Variants in GREB1 observed in about 807,000 individuals in gnomAD.
GREB1 encodes protein GREB1.
Under a neutral mutation model 200.7 loss-of-function variants are expected in GREB1, and 106 were observed. The observed-to-expected ratio is 0.53, with a 90% confidence interval of 0.45 to 0.62. GREB1 has a LOEUF of 0.62. GREB1 is among the 20% of genes least tolerant of loss of function. The pLI is 0.00. For synonymous variants in GREB1, 1,132 were observed against 1,092.4 expected (o/e 1.04, Z -0.72); for missense variants, 2,243 against 2,556.8 (o/e 0.88, Z 2.65).
At position 11,550,761 on chromosome 2, in the gene GREB1, C is replaced by G. The variant is rs541225481; in HGVS notation, c.-161-5693C>G. 3.9e-5 allele frequency among the ~76,000 whole-genome samples: 6 copies of G among 152,284 alleles called. No individual in the cohort carries two copies. The East Asian group carries it at 7.7e-4, about 20-fold the overall frequency. On this transcript the variant is annotated intron_variant, in intron 1 of 32. Coordinates refer to ENST00000381486, the MANE Select transcript of GREB1 (RefSeq NM_014668.4). ...ACTTTTGTTGGCATATCTTGTCTGC[C>G]GTGATTTTCTCTCCTGTCTCTTTGT...
intron 1 of GREB1, among the ~76,000 whole-genome samples, chr2:11,518,336 T>G (rs1673580313): frequency 1.3e-5 from 2 of 152,214 alleles, no homozygotes; most frequent in African/African-American, 4.8e-5. Flanking sequence ...AAAGGTATTT[T>G]GGGCTGTTTG....
At chr2:11,599,924 G>C (rs998897936) in intron 15 of GREB1, among the ~76,000 whole-genome samples, 3 of 152,196 alleles carry the variant, frequency 2.0e-5, no homozygotes, top group African/African-American at 7.2e-5. Context: ...AGGATTTCTG[G>C]TGGTTTACCG....
intron 23 of GREB1, among the ~76,000 whole-genome samples, chr2:11,621,647 C>T (rs561474601): frequency 6.6e-6 from 1 of 152,314 alleles, no homozygotes; most frequent in Admixed American, 6.5e-5. Flanking sequence ...GTCAATGAAT[C>T]TGCTGTGCTG....
chr2:11,566,648 C>G lies in GREB1; in HGVS notation c.446C>G (p.Ala149Gly), dbSNP rs1472250264. Residue 149 changes from alanine to glycine, a missense_variant, in exon 4 of 33, where the codon GCT becomes GGT. Transcript: ENST00000381486. ...RFLPDDNGHN[A>G]LLGFSGNCVG... ...TTGCCAGATGACAATGGCCACAATG[C>G]TCTTCTTGGTAAGTACTGCTTTGTC... The G allele has an allele frequency of 6.2e-7, 1 of 1,611,894 alleles. No individual in the cohort carries two copies. Among genetic ancestry groups the G allele is most frequent in the African/African-American group, 1.3e-5 (1 of 74,882 alleles).
intron 1 of GREB1, among the ~76,000 whole-genome samples, chr2:11,523,797 G>A (rs759559201): frequency 4.0e-5 from 6 of 151,230 alleles, no homozygotes; most frequent in South Asian, 4.1e-4. Flanking sequence ...CTTTGCCCCC[G>A]GCTTACTGTG....
rs891385697 is a variant in GREB1 at position 11,493,702 on chromosome 2, C to T, written c.-159+11321C>T. On this transcript the variant is annotated intron_variant, in intron 1 of 2. Transcript: ENST00000628795. The surrounding 1 kb of genome is among the most constrained non-coding windows in gnomAD (Gnocchi z 4.6). ...GTTTTTGAAGGTTGCATTTTTTTCC[C>T]CAAAATTTTAGAGAGCAGATTTAGT... is the stretch of plus-strand genomic sequence containing the variant. Among the ~76,000 whole-genome samples, 2 of 152,048 alleles carry T rather than the reference C, an allele frequency of 1.3e-5. No homozygotes were observed. The highest frequency in any genetic ancestry group is 4.8e-5 in the African/African-American group (2 of 41,386).
intron 1 of GREB1, among the ~76,000 whole-genome samples, chr2:11,487,667 A>G (rs962311495): frequency 6.6e-6 from 1 of 152,262 alleles, no homozygotes; most frequent in Non-Finnish European, 1.5e-5. Context: ...ATGTGCAAAA[A>G]TAGAACGATT....
chr2:11,561,094 G>A (rs1423882788), intron 2 of GREB1: 1 of 152,134 alleles, frequency 6.6e-6, no homozygotes, highest in African/African-American at 2.4e-5. Context: ...GTGTGTCCAG[G>A]GAGTTGCAGG....
upstream of GREB1, among the ~76,000 whole-genome samples, chr2:11,531,682 T>A (rs1674080288): frequency 2.0e-5 from 3 of 152,194 alleles, 1 homozygote; most frequent in South Asian, 4.1e-4. Context: ...GCGATTCTCC[T>A]GCATCAGCCT....
chr2:11,633,608 C>G lies in GREB1; in HGVS notation c.4992-523C>G, dbSNP rs2148433731. 6.6e-6 allele frequency among the ~76,000 whole-genome samples: 1 copy of G among 151,326 alleles called. No homozygotes were observed. Among genetic ancestry groups the G allele is most frequent in the African/African-American group, 2.4e-5 (1 of 41,290 alleles). On this transcript the variant is annotated intron_variant, in intron 28 of 32. Transcript: ENST00000381486. This position sits in a 1 kb window ranked among gnomAD's most constrained non-coding sequence, Gnocchi z 4.1. ...AAAAAATTGTTATTGAAGTATAATG[C>G]AGAAAATCACACTATCCATTTAGTA...
At chr2:11,514,396 A>G in intron 1 of GREB1, among the ~76,000 whole-genome samples, 1 of 152,242 alleles carries the variant, frequency 6.6e-6, no homozygotes, top group East Asian at 1.9e-4. Flanking sequence ...CTCTGACTCC[A>G]GATCCTACAC....
chr2:11,519,874 C>A (rs13432124), intron 1 of GREB1, among the ~76,000 whole-genome samples: 24,742 of 152,160 alleles, frequency 0.16, 2,488 homozygotes, highest in African/African-American at 0.26. Context: ...TGTTGGCTCA[C>A]GTCTATAATC....
Position 11,584,053 on chromosome 2 carries a change from C to T in GREB1, c.902-1108C>T, listed in dbSNP as rs527299734. 4.6e-5 allele frequency among the ~76,000 whole-genome samples: 7 copies of T among 152,196 alleles called. No individual in the cohort carries two copies. In the South Asian group the frequency reaches 8.3e-4, roughly 18 times the overall value. ...TTGGTATTTCTCCACCCGGGCTGTG[C>T]GTTAGAATCAAGAAGAAGCGTTGAG... On this transcript the variant is annotated intron_variant, in intron 7 of 32. Coordinates refer to ENST00000381486, the MANE Select transcript of GREB1 (RefSeq NM_014668.4).
chr2:11,551,779 A>C (rs1675870475), intron 1 of GREB1, among the ~76,000 whole-genome samples: 1 of 152,286 alleles, frequency 6.6e-6, no homozygotes, highest in South Asian at 2.1e-4. Flanking sequence ...GGAACCAAGA[A>C]GTGGAGCAGG....
chr2:11,564,988 G>A (rs138618247), intron 3 of GREB1, among the ~76,000 whole-genome samples: 1,898 of 152,256 alleles, frequency 0.012, 20 homozygotes, highest in Middle Eastern at 0.031. Context: ...CAAGAATAGC[G>A]TGGGAAAGAC....
In GREB1 at chr2:11,610,683, T is replaced by C. The variant is rs752863833; in HGVS notation, c.2667-5T>C. On this transcript the variant is annotated splice_polypyrimidine_tract_variant and splice_region_variant and intron_variant, in intron 17 of 32. Transcript: ENST00000381486. Reference sequence around the variant, plus strand: ...ACAGACATGGTCTCTCTGTGTTCCTTGCAGGTTCCCCCGCCTGCACAGCGC... The same window carrying C: ...ACAGACATGGTCTCTCTGTGTTCCTCGCAGGTTCCCCCGCCTGCACAGCGC... 6 of 1,604,780 alleles carry C rather than the reference T, an allele frequency of 3.7e-6. No homozygotes were observed. In the African/African-American group the frequency reaches 4.0e-5, roughly 11 times the overall value.
intron 1 of GREB1, among the ~76,000 whole-genome samples, chr2:11,487,033 T>C (rs1250672685): frequency 6.6e-6 from 1 of 152,246 alleles, no homozygotes; most frequent in Non-Finnish European, 1.5e-5. Context: ...CTCATTTTAA[T>C]GTAATATATT....
At chr2:11,585,325 G>C (rs1484639761) in intron 8 of GREB1, 51 bp downstream of exon 8, 1 of 1,143,022 alleles carries the variant, frequency 8.7e-7, no homozygotes, top group Non-Finnish European at 1.2e-6. Flanking sequence ...ACTGGTGGTA[G>C]TGCTGCTGCC....
chr2:11,485,454 A>G lies in GREB1; in HGVS notation c.-159+3073A>G, dbSNP rs1572537971. ...ATGCCCAGCTAATTTTTGTATTTTT[A>G]GTAGAGATAAGGTTTCACCATCTTG... On this transcript the variant is annotated intron_variant, in intron 1 of 2. Transcript: ENST00000628795. Among the ~76,000 whole-genome samples the G allele has an allele frequency of 2.0e-5, 3 of 151,650 alleles. No homozygotes were observed. The East Asian group carries it at 5.9e-4, about 30-fold the overall frequency.
Sources: gnomAD v4.1 joint callset for allele counts (sites outside exome capture counted in the v4.1 genomes callset) on GRCh38, gnomAD v4.1.1 for gene constraint, Gnocchi (gnomAD v3.1) non-coding constraint, MANE v1.5 for transcripts, NCBI Gene and HGNC (gene_info 2026-07-23, HGNC 2026-07-21) for gene names.